Variants in SLC22A14 observed in about 807,000 individuals in gnomAD.
SLC22A14 encodes the protein solute carrier family 22 member 14, also known as organic cation transporter-like 4.
SLC22A14 carries 50 observed loss-of-function variants against 53.9 expected under a neutral mutation model. That is an observed-to-expected ratio of 0.93 (90% confidence interval 0.74 to 1.17). The LOEUF (loss-of-function observed/expected upper bound fraction) is 1.17, where lower values mean the gene tolerates loss of function less well. Ranked by LOEUF, SLC22A14 falls within the 50% of genes most tolerant of loss-of-function variation. The pLI, the probability that SLC22A14 is intolerant of heterozygous loss-of-function variation, is 0.00. For synonymous variants in SLC22A14, 312 were observed against 303.0 expected (o/e 1.03, Z -0.31); for missense variants, 671 against 734.7 (o/e 0.91, Z 1.00).
intron 1 of SLC22A14, among the ~76,000 whole-genome samples, chr3:38,296,855 C>A (rs888154853): frequency 2.6e-5 from 4 of 152,142 alleles, no homozygotes; most frequent in Non-Finnish European, 5.9e-5. Flanking sequence ...CAATGGGCAC[C>A]TCGCTGGATC....
rs563577642 is a variant in SLC22A14, at chr3:38,318,439, A to C, written c.*190A>C. On this transcript the variant is annotated 3_prime_UTR_variant, in exon 11 of 11. Transcript: ENST00000448498. ...ATGGGGTCATGGATTCCAGGCCACA[A>C]ATTCCAGGCCTAGTTCAGTCTGGGG... is the stretch of plus-strand genomic sequence containing the variant. 177 of 608,570 alleles carry C rather than the reference A, an allele frequency of 2.9e-4. No individual in the cohort carries two copies. Among genetic ancestry groups the C allele is most frequent in the Non-Finnish European group, 4.6e-4 (153 of 335,934 alleles). The allele number at this position is 608,570 out of a possible 1,614,324, so 37.7% of individuals were successfully genotyped here.
At chr3:38,302,709 A>T (rs879701107) in intron 1 of SLC22A14, among the ~76,000 whole-genome samples, 1 of 152,186 alleles carries the variant, frequency 6.6e-6, no homozygotes, top group Non-Finnish European at 1.5e-5. Flanking sequence ...GTACTATTAA[A>T]TTTGATTTAC....
chr3:38,281,516 G>C (rs1031495405), upstream of SLC22A14, among the ~76,000 whole-genome samples: 3 of 152,172 alleles, frequency 2.0e-5, no homozygotes, highest in African/African-American at 7.2e-5. Flanking sequence ...TGAGGGAACC[G>C]AGCAAGCTAG....
At chr3:38,291,464 A>G (rs1703912504) in intron 1 of SLC22A14, among the ~76,000 whole-genome samples, 1 of 152,232 alleles carries the variant, frequency 6.6e-6, no homozygotes, top group Non-Finnish European at 1.5e-5. Flanking sequence ...TGACAGCCAC[A>G]AGTCTCCTTT....
At chr3:38,313,518 G>A (rs1295530540) in intron 7 of SLC22A14, 33 bp downstream of exon 7, 13 of 1,459,006 alleles carry the variant, frequency 8.9e-6, no homozygotes, top group Admixed American at 1.7e-5. Flanking sequence ...CAGGGACTGC[G>A]AACAGGTGCG....
chr3:38,295,639 C>T (rs1423433958), intron 1 of SLC22A14, among the ~76,000 whole-genome samples: 7 of 152,106 alleles, frequency 4.6e-5, no homozygotes, highest in Admixed American at 4.6e-4. Context: ...AGGTGTAGGG[C>T]ACACTGGGTT....
intron 1 of SLC22A14, among the ~76,000 whole-genome samples, chr3:38,297,142 A>G (rs1559546557): frequency 6.6e-6 from 1 of 152,272 alleles, no homozygotes; most frequent in East Asian, 1.9e-4. Context: ...GCAATAGATG[A>G]TTGGCTATTT....
chr3:38,318,305 C>G lies in SLC22A14; in HGVS notation c.*56C>G. 6.7e-7 allele frequency: 1 copy of G among 1,492,142 alleles called. No homozygotes were observed. Among genetic ancestry groups the G allele is most frequent in the Non-Finnish European group, 9.4e-7 (1 of 1,068,576 alleles). 92.4% of individuals were successfully genotyped at this position (1,492,142 alleles called of 1,614,324 possible). On this transcript the variant is annotated 3_prime_UTR_variant, in exon 11 of 11. Transcript: ENST00000448498. ...CCAGATCCTGAGATTGGACCCATAC[C>G]CTGTCTCCAACCCTGCCTTGAAGCA...
At chr3:38,309,700 G>A (rs1704413710) in intron 5 of SLC22A14, among the ~76,000 whole-genome samples, 1 of 152,130 alleles carries the variant, frequency 6.6e-6, no homozygotes, top group African/African-American at 2.4e-5. Flanking sequence ...AATAAGGGTT[G>A]AGAACAAAAG....
chr3:38,285,107 T>G (rs1703762089), intron 1 of SLC22A14, among the ~76,000 whole-genome samples: 1 of 152,130 alleles, frequency 6.6e-6, no homozygotes, highest in Non-Finnish European at 1.5e-5. Flanking sequence ...TAACAAAGAT[T>G]CCGTAGCCAT....
chr3:38,283,690 C>T (rs761063217), intron 1 of SLC22A14, among the ~76,000 whole-genome samples: 12 of 152,038 alleles, frequency 7.9e-5, no homozygotes, highest in Non-Finnish European at 1.2e-4. Flanking sequence ...ATTAGCCAGG[C>T]GTGGTGGCTT....
chr3:38,318,216 G>A lies in SLC22A14; in HGVS notation c.1752G>A (p.Met584Ile). The part of the protein sequence containing the change: ...SSQIRNKVKD[M>I]KTKETSSDDV The stretch of plus-strand genomic sequence containing the variant: ...CTTTCAGGAATAAGGTCAAGGACAT[G>A]AAGACTAAGGAAACATCATCTGATG... The change falls in exon 11 of 11, where the codon ATG becomes ATA. Residue 584 changes from methionine to isoleucine, a missense_variant. Met to Ile is a conservative substitution (Grantham distance 10). Transcript: ENST00000448498. 6.2e-7 allele frequency: 1 copy of A among 1,614,078 alleles called. No individual in the cohort carries two copies. The highest frequency in any genetic ancestry group is 8.5e-7 in the Non-Finnish European group (1 of 1,179,904).
At chr3:38,295,259 C>A (rs200590699) in intron 1 of SLC22A14, among the ~76,000 whole-genome samples, 4,203 of 119,742 alleles carry the variant, frequency 0.035, no homozygotes, top group African/African-American at 0.053. Flanking sequence ...TGTTAAATTA[C>A]CTTTTTCTAA....
upstream of SLC22A14, among the ~76,000 whole-genome samples, chr3:38,281,776 A>AGG (rs1703674528): frequency 6.6e-6 from 1 of 152,222 alleles, no homozygotes; most frequent in Admixed American, 6.5e-5. Context: ...CTGTACTGGT[A>AGG]CAAGGATGGT....
chr3:38,288,857 C>A (rs1166142477), intron 1 of SLC22A14, among the ~76,000 whole-genome samples: 1 of 151,954 alleles, frequency 6.6e-6, no homozygotes, highest in Non-Finnish European at 1.5e-5. Context: ...TAAAAATCGT[C>A]TTAGTTTGAA....
chr3:38,284,100 T>C (rs1703734191), intron 1 of SLC22A14, among the ~76,000 whole-genome samples: 1 of 152,180 alleles, frequency 6.6e-6, no homozygotes, highest in Admixed American at 6.5e-5. Flanking sequence ...GGAGACCTCT[T>C]CCCTGGATTA....
rs572341412 is a variant in SLC22A14 at position 38,297,940 on chromosome 3, A to G, written c.1-8087A>G. Among the ~76,000 whole-genome samples, 27 of 152,284 alleles carry G rather than the reference A, an allele frequency of 1.8e-4. 1 individual carries two copies. Among genetic ancestry groups the G allele is most frequent in the South Asian group, 1.7e-3 (8 of 4,822 alleles). On this transcript the variant is annotated intron_variant, in intron 1 of 10. Transcript: ENST00000448498. ...TCATCAATGATTCTTGCCTGTAACA[A>G]TTATAACTGGTGCTTGCCAAATGGT...
intron 1 of SLC22A14, among the ~76,000 whole-genome samples, chr3:38,296,922 G>T (rs766184299): frequency 6.6e-6 from 1 of 152,224 alleles, no homozygotes; most frequent in African/African-American, 2.4e-5. Context: ...CGGTGGGTCT[G>T]TGACGGCGAC....
chr3:38,278,989 G>C (rs1703618478), upstream of SLC22A14, among the ~76,000 whole-genome samples: 2 of 152,106 alleles, frequency 1.3e-5, no homozygotes, highest in Admixed American at 1.3e-4. Flanking sequence ...CCCCTGCCTT[G>C]CCCCAGCTAA....
Sources: allele counts gnomAD v4.1 joint callset (sites outside exome capture counted in the v4.1 genomes callset), GRCh38; gene constraint gnomAD v4.1.1; transcripts MANE v1.5; gene names NCBI Gene and HGNC (gene_info 2026-07-23, HGNC 2026-07-21).